Variants in COL23A1 observed in about 807,000 individuals in gnomAD.
COL23A1 encodes collagen alpha-1(XXIII) chain.
In COL23A1, 97 loss-of-function variants were observed where a neutral mutation model predicts 99.3. The ratio of observed to expected loss-of-function variants is 0.98; its 90% confidence interval spans 0.83 to 1.16. COL23A1 has a LOEUF of 1.16. COL23A1 is among the 50% of genes most tolerant of loss of function. COL23A1 has a pLI of 0.00. For synonymous variants in COL23A1, 320 were observed against 308.2 expected (o/e 1.04, Z -0.40); for missense variants, 762 against 757.4 (o/e 1.01, Z -0.07).
intron 2 of COL23A1, among the ~76,000 whole-genome samples, chr5:178,513,375 C>T (rs1022819101): frequency 2.0e-5 from 3 of 152,182 alleles, no homozygotes; most frequent in Non-Finnish European, 4.4e-5. Flanking sequence ...AGTAGCTAGC[C>T]CAAGACCACA....
intron 1 of COL23A1, among the ~76,000 whole-genome samples, chr5:178,585,369 T>G (rs1763882496): frequency 6.6e-6 from 1 of 150,716 alleles, no homozygotes; most frequent in African/African-American, 2.5e-5. Context: ...TGGCCCCAGC[T>G]GACTCTAGGG....
At chr5:178,356,160 C>T (rs944730819) in intron 2 of COL23A1, among the ~76,000 whole-genome samples, 1 of 152,184 alleles carries the variant, frequency 6.6e-6, no homozygotes, top group Non-Finnish European at 1.5e-5. Context: ...CCAGAATAGG[C>T]AAAGCCACAG....
At chr5:178,258,259 A>ATG (rs905243172) in intron 12 of COL23A1, among the ~76,000 whole-genome samples, 11 of 128,520 alleles carry the variant, frequency 8.6e-5, no homozygotes, top group African/African-American at 3.0e-4. Flanking sequence ...ATATATATAT[A>ATG]TATACACATG....
At chr5:178,397,646 TAATGTGATGCG>T (rs1764223496) in intron 2 of COL23A1, among the ~76,000 whole-genome samples, 1 of 152,212 alleles carries the variant, frequency 6.6e-6, no homozygotes, top group East Asian at 1.9e-4. Flanking sequence ...GTGCCTGTAA[TAATGTGATGCG>T]AATCCACTGC....
At chr5:178,243,120 G>A (rs553753876) in intron 25 of COL23A1, among the ~76,000 whole-genome samples, 2 of 151,826 alleles carry the variant, frequency 1.3e-5, no homozygotes, top group South Asian at 4.2e-4. Context: ...AACCTGAGAG[G>A]TGGAGGTTGC....
chr5:178,452,934 T>A (rs1767568060), intron 2 of COL23A1, among the ~76,000 whole-genome samples: 1 of 152,224 alleles, frequency 6.6e-6, no homozygotes, highest in Non-Finnish European at 1.5e-5. Flanking sequence ...TACCTACATG[T>A]ACAGGAAATA....
In COL23A1 at chr5:178,479,682, G is replaced by T. The variant is rs141725637; in HGVS notation, c.361+81000C>A. 2.4e-3 allele frequency among the ~76,000 whole-genome samples: 371 copies of T among 152,272 alleles called. 3 individuals are homozygous for T. The highest frequency in any genetic ancestry group is 8.7e-3 in the African/African-American group (362 of 41,540). ...TATTAAGGATTCATGTTAATCTTAG[G>T]TGTGATAATGACGTTGTGGTTATGC... On this transcript the variant is annotated intron_variant, in intron 2 of 28. Transcript: ENST00000390654.
chr5:178,559,335 A>T (rs1404523294), intron 2 of COL23A1, among the ~76,000 whole-genome samples: 1 of 152,238 alleles, frequency 6.6e-6, no homozygotes, highest in Non-Finnish European at 1.5e-5. Context: ...AATGGAAGGA[A>T]TGAGAGAGAA....
intron 2 of COL23A1, among the ~76,000 whole-genome samples, chr5:178,460,134 T>C (rs192447280): frequency 1.4e-4 from 22 of 152,282 alleles, no homozygotes; most frequent in Admixed American, 6.5e-4. Flanking sequence ...AGTGTGTTTA[T>C]TTCTGCTTTT....
chr5:178,423,638 A>G lies in COL23A1; in HGVS notation c.362-116719T>C, dbSNP rs578094970. On this transcript the variant is annotated intron_variant, in intron 2 of 28. Transcript: ENST00000390654. Reference sequence around the variant, plus strand: ...GGCATCTGTGCATACAAGTGCAAACATGTACACACACACACAGCCCTGGCA... The same window carrying G: ...GGCATCTGTGCATACAAGTGCAAACGTGTACACACACACACAGCCCTGGCA... Among the ~76,000 whole-genome samples, 4 of 152,260 alleles carry G rather than the reference A, an allele frequency of 2.6e-5. No individual in the cohort carries two copies. The East Asian group carries it at 7.7e-4, about 29-fold the overall frequency.
At chr5:178,588,662 G>C (rs149137048) in intron 1 of COL23A1, among the ~76,000 whole-genome samples, 4 of 152,340 alleles carry the variant, frequency 2.6e-5, no homozygotes, top group Admixed American at 2.6e-4. Flanking sequence ...AACCCAGCTA[G>C]AAGAGATGTG....
intron 2 of COL23A1, among the ~76,000 whole-genome samples, chr5:178,357,139 T>A (rs1761701899): frequency 6.6e-6 from 1 of 152,264 alleles, no homozygotes; most frequent in Non-Finnish European, 1.5e-5. Flanking sequence ...TTTCAGTATC[T>A]AATTGCATTA....
intron 2 of COL23A1, among the ~76,000 whole-genome samples, chr5:178,353,672 T>C (rs192094910): frequency 3.9e-4 from 59 of 152,260 alleles, no homozygotes; most frequent in Non-Finnish European, 7.4e-4. Flanking sequence ...ACCCACTTCC[T>C]GGGAAGCACA....
At chr5:178,462,058 G>C (rs1756154130) in intron 2 of COL23A1, among the ~76,000 whole-genome samples, 1 of 152,216 alleles carries the variant, frequency 6.6e-6, no homozygotes, top group Non-Finnish European at 1.5e-5. Context: ...ACCCAGCACA[G>C]CTGCTGGCTC....
At chr5:178,437,958 T>C (rs1766654274) in intron 2 of COL23A1, among the ~76,000 whole-genome samples, 1 of 152,220 alleles carries the variant, frequency 6.6e-6, no homozygotes, top group Non-Finnish European at 1.5e-5. Flanking sequence ...CAGAGGCCCC[T>C]GACCACCACA....
At chr5:178,551,298 A>G (rs1283343643) in intron 2 of COL23A1, among the ~76,000 whole-genome samples, 1 of 151,804 alleles carries the variant, frequency 6.6e-6, no homozygotes, top group Non-Finnish European at 1.5e-5. Flanking sequence ...CCAGATTCCA[A>G]TGGTCAGCAC....
At chr5:178,486,403 G>A (rs774317726) in intron 2 of COL23A1, among the ~76,000 whole-genome samples, 5 of 152,216 alleles carry the variant, frequency 3.3e-5, no homozygotes, top group Admixed American at 1.3e-4. Flanking sequence ...GAGAATACCC[G>A]AGGGTGAACC....
chr5:178,259,539 G>A (rs1207765669), intron 12 of COL23A1, among the ~76,000 whole-genome samples, 182 bp downstream of exon 12: 1 of 152,224 alleles, frequency 6.6e-6, no homozygotes, highest in Non-Finnish European at 1.5e-5. Flanking sequence ...CAGGGAGAGC[G>A]AGGACAGGGC....
intron 2 of COL23A1, among the ~76,000 whole-genome samples, chr5:178,459,485 G>A (rs886535865): frequency 6.6e-6 from 1 of 152,188 alleles, no homozygotes; most frequent in Admixed American, 6.5e-5. Flanking sequence ...AGGGGGCCCG[G>A]GGGCAGTGGC....
Sources: allele counts gnomAD v4.1 joint callset (sites outside exome capture counted in the v4.1 genomes callset), GRCh38; gene constraint gnomAD v4.1.1; transcripts MANE v1.5; gene names NCBI Gene and HGNC (gene_info 2026-07-23, HGNC 2026-07-21).